ZNF385D: variants seen among roughly 807,000 people sequenced by gnomAD.
ZNF385D encodes zinc finger protein 659.
A neutral mutation model predicts 35.8 loss-of-function variants in ZNF385D; 15 were observed. The ratio of observed to expected loss-of-function variants is 0.42; its 90% CI spans 0.28 to 0.64. The LOEUF (loss-of-function observed/expected upper bound fraction) is 0.64, where lower values mean the gene tolerates loss of function less well. Ranked by LOEUF, ZNF385D falls within the 30% of genes least tolerant of loss-of-function variation. ZNF385D has a pLI of 0.23. For missense variants in ZNF385D, 474 were observed against 494.6 expected (o/e 0.96, Z 0.39); for synonymous variants, 212 against 186.8 (o/e 1.13, Z -1.10).
intron 4 of ZNF385D, among the ~76,000 whole-genome samples, chr3:21,463,670 A>G (rs1703326731): frequency 6.6e-6 from 1 of 152,186 alleles, no homozygotes; most frequent in African/African-American, 2.4e-5. Context: ...GCCTACAGAT[A>G]TGAAAAGATA....
chr3:21,598,463 C>T (rs2064186866), intron 2 of ZNF385D, among the ~76,000 whole-genome samples: 1 of 152,026 alleles, frequency 6.6e-6, no homozygotes, highest in Non-Finnish European at 1.5e-5. Flanking sequence ...AACATATTCC[C>T]AACTGGAACA....
chr3:21,942,018 C>G (rs1701546202), intron 3 of ZNF385D, among the ~76,000 whole-genome samples: 3 of 152,160 alleles, frequency 2.0e-5, no homozygotes, highest in Middle Eastern at 3.4e-3. Context: ...GAACTTTTCT[C>G]TTTTATAAAG....
intron 3 of ZNF385D, among the ~76,000 whole-genome samples, chr3:21,514,110 C>G (rs1707407337): frequency 6.6e-6 from 1 of 152,074 alleles, no homozygotes; most frequent in Admixed American, 6.6e-5. Context: ...CTCTGCTTTT[C>G]TTTTGAGCAG....
intron 3 of ZNF385D, among the ~76,000 whole-genome samples, chr3:22,162,358 C>T (rs908770777): frequency 6.6e-5 from 10 of 152,138 alleles, no homozygotes; most frequent in Non-Finnish European, 1.2e-4. Context: ...AGAAAATCTA[C>T]ATTAGTAAAG....
chr3:22,368,536 T>G (rs140826504), intron 2 of ZNF385D, among the ~76,000 whole-genome samples: 2 of 152,162 alleles, frequency 1.3e-5, no homozygotes, highest in African/African-American at 2.4e-5. Flanking sequence ...AACAAACATT[T>G]GTTTATCACA....
chr3:21,561,141 G>T (rs569545370), intron 3 of ZNF385D, among the ~76,000 whole-genome samples: 2 of 152,090 alleles, frequency 1.3e-5, no homozygotes, highest in Non-Finnish European at 2.9e-5. Context: ...GCCCCTTTCC[G>T]GGGGAGTGAA....
intron 5 of ZNF385D, among the ~76,000 whole-genome samples, chr3:21,431,955 T>C (rs1317686459): frequency 6.6e-6 from 1 of 152,190 alleles, no homozygotes. Flanking sequence ...TTGCTCATAG[T>C]TGTATTCTCT....
At chr3:21,518,051 A>G (rs908496555) in intron 3 of ZNF385D, among the ~76,000 whole-genome samples, 1 of 152,150 alleles carries the variant, frequency 6.6e-6, no homozygotes, top group Non-Finnish European at 1.5e-5. Flanking sequence ...GGTTAACTCT[A>G]AAGTTTAAAA....
chr3:21,691,455 TC>T (rs1353943990), intron 1 of ZNF385D, among the ~76,000 whole-genome samples: 1 of 152,108 alleles, frequency 6.6e-6, no homozygotes, highest in Non-Finnish European at 1.5e-5. Context: ...AAATCACCCG[TC>T]AGACACTCCT....
At chr3:22,239,327 G>C (rs996173787) in intron 2 of ZNF385D, among the ~76,000 whole-genome samples, 2 of 150,938 alleles carry the variant, frequency 1.3e-5, no homozygotes, top group Non-Finnish European at 2.9e-5. Flanking sequence ...TTACAACAGA[G>C]ACTCTATGGC....
intron 2 of ZNF385D, among the ~76,000 whole-genome samples, chr3:22,230,884 G>C (rs1466800634): frequency 1.3e-5 from 2 of 152,148 alleles, no homozygotes; most frequent in Non-Finnish European, 2.9e-5. Flanking sequence ...CCAGTCATTA[G>C]AGAAATAACT....
intron 2 of ZNF385D, among the ~76,000 whole-genome samples, chr3:22,338,787 A>AC (rs1559528545): frequency 7.3e-6 from 1 of 136,202 alleles, no homozygotes; most frequent in Non-Finnish European, 1.5e-5. Context: ...TGTAGCCTCC[A>AC]CCTCCTGGGT....
At chr3:22,356,620 T>TAC (rs1696161475) in intron 2 of ZNF385D, among the ~76,000 whole-genome samples, 1 of 151,982 alleles carries the variant, frequency 6.6e-6, no homozygotes, top group Non-Finnish European at 1.5e-5. Context: ...GCAAGTACTG[T>TAC]ACGAATATTA....
chr3:21,767,597 G>A (rs4858018), intron 3 of ZNF385D, among the ~76,000 whole-genome samples: 80,335 of 151,566 alleles, frequency 0.53, 21,654 homozygotes, highest in East Asian at 0.78. Flanking sequence ...CACAGTAGGT[G>A]CCCAATATAT....
chr3:22,213,011 A>AT (rs1318267233), intron 2 of ZNF385D, among the ~76,000 whole-genome samples: 11 of 151,990 alleles, frequency 7.2e-5, no homozygotes, highest in Admixed American at 3.9e-4. Flanking sequence ...ATAAGATACT[A>AT]TTTTTTCTGG....
At chr3:21,809,443 CTG>C (rs1317515644) in intron 3 of ZNF385D, among the ~76,000 whole-genome samples, 2 of 151,798 alleles carry the variant, frequency 1.3e-5, no homozygotes, top group East Asian at 1.9e-4. Context: ...TCAAAGATAA[CTG>C]TATCATAAAG....
At chr3:21,967,834 C>T (rs940947082) in intron 3 of ZNF385D, among the ~76,000 whole-genome samples, 4 of 152,172 alleles carry the variant, frequency 2.6e-5, no homozygotes, top group Admixed American at 6.5e-5. Flanking sequence ...AGAAACCTCC[C>T]GTGATTATTC....
intron 2 of ZNF385D, among the ~76,000 whole-genome samples, chr3:22,337,181 A>C (rs1419474508): frequency 6.6e-6 from 1 of 151,456 alleles, no homozygotes; most frequent in Non-Finnish European, 1.5e-5. Context: ...TTTTTTTTTT[A>C]ATGTGCTATG....
chr3:21,960,022 CA>C (rs34894053), intron 3 of ZNF385D, among the ~76,000 whole-genome samples: 53,924 of 114,344 alleles, frequency 0.47, 10,562 homozygotes, highest in South Asian at 0.58. Flanking sequence ...GCACAGCCTC[CA>C]AAAAAAAAAA....
Sources: allele counts gnomAD v4.1 joint callset (sites outside exome capture counted in the v4.1 genomes callset), GRCh38; gene constraint gnomAD v4.1.1; transcripts MANE v1.5; gene names NCBI Gene and HGNC (gene_info 2026-07-23, HGNC 2026-07-21).